The following ACADM variants were observed in gnomAD, a reference collection of about 807,000 sequenced individuals.
ACADM encodes acyl-CoA dehydrogenase medium chain, also known as medium-chain specific acyl-CoA dehydrogenase, mitochondrial.
ACADM carries 49 observed loss-of-function variants against 58.9 expected under a neutral mutation model. The ratio of observed to expected loss-of-function variants is 0.83; its 90% CI spans 0.66 to 1.06. The LOEUF is 1.06. Among genes scored for constraint, ACADM ranks in the 50% least tolerant of loss-of-function variants. The pLI, the probability that ACADM is intolerant of heterozygous loss-of-function variation, is 0.00. For missense variants in ACADM, 496 were observed against 507.0 expected, an observed-to-expected ratio of 0.98 and a Z score of 0.21; for synonymous variants, 160 against 157.7, an observed-to-expected ratio of 1.01 and a Z score of -0.11.
At chr1:75,755,212 A>G (rs1411715813) in intron 10 of ACADM, 1 of 152,374 alleles carries the variant, frequency 6.6e-6, no homozygotes, top group African/African-American at 2.4e-5. Flanking sequence ...AGGCAGCAGA[A>G]ACTTCTGCAG....
At chr1:75,748,875 C>T (rs1279325933) in intron 8 of ACADM, among the ~76,000 whole-genome samples, 1 of 144,926 alleles carries the variant, frequency 6.9e-6, no homozygotes, top group East Asian at 1.9e-4. Flanking sequence ...GTAAATTATA[C>T]CTCAGTAAAC....
At chr1:75,734,160 ATT>A (rs1160368175) in intron 5 of ACADM, among the ~76,000 whole-genome samples, 1,840 of 84,250 alleles carry the variant, frequency 0.022, 24 homozygotes, top group African/African-American at 0.049. Flanking sequence ...TAATTTTTGT[ATT>A]TTTTTTTTTT....
rs12127402 is a variant in ACADM at position 75,739,958 on chromosome 1, C to A, written c.469-22C>A. On this transcript the variant is annotated intron_variant, in intron 6 of 11. Coordinates refer to ENST00000370841, the MANE Select transcript of ACADM (RefSeq NM_000016.6). ...TAATCACTAACATTTAATTTCATTT[C>A]TCTTGTTTTTATATATTCAAGGCTT... The A allele has an allele frequency of 0.28, 431,347 of 1,560,800 alleles. 62,531 individuals carry two copies. Among genetic ancestry groups the A allele is most frequent in the Non-Finnish European group, 0.3 (346,177 of 1,147,950 alleles).
chr1:75,739,700 G>A (rs1302258217), intron 6 of ACADM, among the ~76,000 whole-genome samples: 2 of 152,078 alleles, frequency 1.3e-5, no homozygotes, highest in Non-Finnish European at 2.9e-5. Flanking sequence ...TATTATACAC[G>A]GGAGGCTGAG....
At chr1:75,761,810 CA>C (rs1277437063) in intron 11 of ACADM, among the ~76,000 whole-genome samples, 6 of 152,022 alleles carry the variant, frequency 3.9e-5, no homozygotes, top group Non-Finnish European at 8.8e-5. Flanking sequence ...AATTGGTAGT[CA>C]AAAAAACTTA....
intron 6 of ACADM, among the ~76,000 whole-genome samples, chr1:75,737,284 A>ATG (rs1553123531): frequency 1.9e-3 from 82 of 42,620 alleles, no homozygotes; most frequent in Non-Finnish European, 2.5e-3. Flanking sequence ...ACACAAATAT[A>ATG]TATATATATA....
chr1:75,740,320 G>A (rs1647497666), intron 7 of ACADM, among the ~76,000 whole-genome samples: 1 of 152,166 alleles, frequency 6.6e-6, no homozygotes, highest in Non-Finnish European at 1.5e-5. Context: ...GAAGTTTAAT[G>A]TGTAAAATAA....
rs1403876010 is a variant in ACADM at position 75,732,515 on chromosome 1, A to G, written c.119-129A>G. On this transcript the variant is annotated intron_variant, in intron 2 of 11. Coordinates refer to ENST00000370841, the MANE Select transcript of ACADM (RefSeq NM_000016.6). ...GAACTCTTGATTAGTCAAAAAATGC[A>G]CTGTAGTCTGAGTTTCTGATAATCA... The G allele has an allele frequency of 6.4e-6, 5 of 779,878 alleles. No homozygotes were observed. In the East Asian group the frequency reaches 1.2e-4, roughly 19 times the overall value. The allele number at this position is 779,878 out of a possible 1,614,324, so 48.3% of individuals were successfully genotyped here. A position where few individuals can be genotyped will look rare whatever the true frequency, so the allele number is the denominator to read the frequency against.
chr1:75,728,047 C>T (rs924286703), intron 1 of ACADM, among the ~76,000 whole-genome samples: 2 of 152,106 alleles, frequency 1.3e-5, no homozygotes, highest in Admixed American at 1.3e-4. Flanking sequence ...TCGTTCTCCC[C>T]ACCCCAACTC....
In ACADM at chr1:75,733,145, C is replaced by T. The variant is rs755476467; in HGVS notation, c.286+223C>T. 1.9e-6 allele frequency: 3 copies of T among 1,612,608 alleles called. No homozygotes were observed. Among genetic ancestry groups the T allele is most frequent in the Non-Finnish European group, 2.5e-6 (3 of 1,179,844 alleles). ...GTTCCAACCTTAACTTGCACCTAAA[C>T]CTTGGTAACTTCCGTTTCTAGAGTT... On this transcript the variant is annotated intron_variant, in intron 4 of 11. Coordinates refer to ENST00000370841, the MANE Select transcript of ACADM (RefSeq NM_000016.6).
intron 1 of ACADM, among the ~76,000 whole-genome samples, chr1:75,726,587 A>G (rs994635915): frequency 6.6e-6 from 1 of 152,186 alleles, no homozygotes; most frequent in Non-Finnish European, 1.5e-5. Context: ...AGTAAATGTT[A>G]GAATCCTGGT....
At chr1:75,734,728 A>G in intron 5 of ACADM, 63 bp from the exon 6 acceptor site, 1 of 1,263,718 alleles carries the variant, frequency 7.9e-7, no homozygotes, top group Non-Finnish European at 1.1e-6. Context: ...GAATTATAGC[A>G]TCTCTGAATT....
At chr1:75,744,756 A>G in intron 7 of ACADM, 1 of 712,818 alleles carries the variant, frequency 1.4e-6, no homozygotes, top group Non-Finnish European at 2.6e-6. Context: ...CCCGGGACAC[A>G]GTGGGACCGG....
At chr1:75,728,264 G>C in intron 1 of ACADM, 137 bp from the exon 2 acceptor site, 1 of 578,836 alleles carries the variant, frequency 1.7e-6, no homozygotes, top group East Asian at 3.0e-5. Flanking sequence ...ATGATTGAAG[G>C]CATTTAAATA....
In ACADM at chr1:75,744,732, C is replaced by G. The variant is rs942456853; in HGVS notation, c.600-1074C>G. ...AGTTCCCCTTCTGGAAGGCAGAGAG[C>G]GAGTGGCTGAACGCCCGGGACACAG... On this transcript the variant is annotated intron_variant, in intron 7 of 11. Coordinates refer to ENST00000370841, the MANE Select transcript of ACADM (RefSeq NM_000016.6). 3 of 745,694 alleles carry G rather than the reference C, an allele frequency of 4.0e-6. No individual in the cohort carries two copies. The East Asian group carries it at 7.6e-5, about 19-fold the overall frequency. 46.2% of individuals were successfully genotyped at this position (745,694 alleles called of 1,614,324 possible). A position where few individuals can be genotyped will look rare whatever the true frequency, so the allele number is the denominator to read the frequency against.
At chr1:75,747,622 CA>C (rs1164978767) in intron 8 of ACADM, among the ~76,000 whole-genome samples, 2 of 152,020 alleles carry the variant, frequency 1.3e-5, no homozygotes, top group African/African-American at 2.4e-5. Flanking sequence ...TTTACCTCTA[CA>C]AAAAAATTTG....
At chr1:75,738,741 C>T (rs1004213494) in intron 6 of ACADM, among the ~76,000 whole-genome samples, 6 of 152,090 alleles carry the variant, frequency 3.9e-5, no homozygotes, top group Non-Finnish European at 7.4e-5. Context: ...CCACCATGCT[C>T]GGCCCAGTTT....
intron 9 of ACADM, 51 bp from the exon 10 acceptor site, chr1:75,750,400 G>A: frequency 7.1e-7 from 1 of 1,406,970 alleles, no homozygotes; most frequent in Non-Finnish European, 9.9e-7. Flanking sequence ...CAGATATTGT[G>A]TGTTTTAAAG....
chr1:75,737,296 A>ATGTG (rs1557448447), intron 6 of ACADM, among the ~76,000 whole-genome samples: 6 of 91,814 alleles, frequency 6.5e-5, no homozygotes, highest in African/African-American at 2.4e-4. Flanking sequence ...ATATATATAT[A>ATGTG]TATATATATA....
Sources: gnomAD v4.1 joint callset for allele counts (sites outside exome capture counted in the v4.1 genomes callset) on GRCh38, gnomAD v4.1.1 for gene constraint, MANE v1.5 for transcripts, NCBI Gene and HGNC (gene_info 2026-07-23, HGNC 2026-07-21) for gene names.